CEBPZOS: variants seen among roughly 807,000 people sequenced by gnomAD.
CEBPZOS encodes protein CEBPZOS.
In CEBPZOS, 10 loss-of-function variants were observed where a neutral mutation model predicts 4.8. The observed-to-expected ratio is 2.07, with a 90% confidence interval of 1.28 to 3.52. The LOEUF is 3.52. CEBPZOS is among the 30% of genes most tolerant of loss of function. The pLI, the probability that CEBPZOS is intolerant of heterozygous loss-of-function variation, is 0.00. For missense variants in CEBPZOS, 98 were observed against 43.6 expected, an observed-to-expected ratio of 2.25 and a Z score of -3.51; for synonymous variants, 25 against 14.2, an observed-to-expected ratio of 1.77 and a Z score of -1.72.
intron 4 of CEBPZOS, chr2:37,211,934 T>G (rs772013583): frequency 4.3e-6 from 7 of 1,613,656 alleles, no homozygotes; most frequent in Non-Finnish European, 5.9e-6. Context: ...CCATACTTCC[T>G]AAAGAAACTT....
At chr2:37,208,963 G>A (rs550096690), downstream of CEBPZOS, 9 of 151,550 alleles carry the variant, frequency 5.9e-5, no homozygotes, top group African/African-American at 2.2e-4. Flanking sequence ...AAATCAATGT[G>A]CGCAAACCAG....
intron 3 of CEBPZOS, 136 bp downstream of exon 3, chr2:37,201,228 C>T (rs1012691716): frequency 6.5e-6 from 4 of 610,884 alleles, no homozygotes; most frequent in Non-Finnish European, 1.2e-5. Flanking sequence ...ACTAAATTCT[C>T]ATCTATTCTA....
Position 37,203,062 on chromosome 2 carries a change from A to G in CEBPZOS, c.*1202A>G. The G allele has an allele frequency of 8.5e-7, 1 of 1,172,612 alleles. No homozygotes were observed. Among genetic ancestry groups the G allele is most frequent in the Admixed American group, 2.5e-5 (1 of 39,460 alleles). The allele number at this position is 1,172,612 out of a possible 1,614,324, so 72.6% of individuals were successfully genotyped here. On this transcript the variant is annotated 3_prime_UTR_variant, in exon 5 of 5. Transcript: ENST00000402297. ...CAATTATAAATCTAATGATTTTAGA[A>G]AAATGCAATGCAACATGATTTTATT...
rs760014895 is a variant in CEBPZOS at position 37,202,844 on chromosome 2, T to A, written c.*984T>A. The A allele has an allele frequency of 6.2e-7, 1 of 1,602,278 alleles. No individual in the cohort carries two copies. Among genetic ancestry groups the A allele is most frequent in the Non-Finnish European group, 8.5e-7 (1 of 1,174,834 alleles). On this transcript the variant is annotated 3_prime_UTR_variant, in exon 5 of 5. Transcript: ENST00000402297. ...ATGTTATCAAACTTGGATCCCATAT[T>A]TTCATCCAATAGATGGCCAAACTTT...
At chr2:37,207,338 C>G (rs1436423672), downstream of CEBPZOS, among the ~76,000 whole-genome samples, 2 of 152,178 alleles carry the variant, frequency 1.3e-5, no homozygotes, top group East Asian at 3.8e-4. Flanking sequence ...TACCCAAAAA[C>G]TGCAGAATAT....
At chr2:37,208,425 A>AT (rs1376471615), downstream of CEBPZOS, among the ~76,000 whole-genome samples, 1 of 152,228 alleles carries the variant, frequency 6.6e-6, no homozygotes, top group African/African-American at 2.4e-5. Context: ...CTCCAACAGC[A>AT]TATCAAAAAG....
chr2:37,213,202 C>G (rs1349858710), intron 4 of CEBPZOS, among the ~76,000 whole-genome samples: 1 of 152,142 alleles, frequency 6.6e-6, no homozygotes, highest in African/African-American at 2.4e-5. Context: ...AAAGATCAAA[C>G]AGTAGACTAT....
intron 4 of CEBPZOS, chr2:37,210,050 A>G (rs1677669680): frequency 6.6e-6 from 1 of 152,226 alleles, no homozygotes. Flanking sequence ...ATTATCAGGG[A>G]AATGCAAATC....
chr2:37,214,547 CAA>C (rs1179624860), downstream of CEBPZOS, among the ~76,000 whole-genome samples: 2 of 151,640 alleles, frequency 1.3e-5, no homozygotes, highest in African/African-American at 4.8e-5. Context: ...GGCTAAATTC[CAA>C]AAAGAAGCAT....
At chr2:37,201,458 C>T (rs544637825) in intron 3 of CEBPZOS, 184 bp from the exon 4 acceptor site, 16 of 551,360 alleles carry the variant, frequency 2.9e-5, no homozygotes, top group Middle Eastern at 4.9e-4. Flanking sequence ...TGTAGTTAGA[C>T]GAAATAGTGC....
chr2:37,212,515 A>C (rs1304391815), intron 4 of CEBPZOS: 3 of 795,112 alleles, frequency 3.8e-6, no homozygotes. Context: ...CACCAAAACA[A>C]TGTAAATGTT....
intron 4 of CEBPZOS, chr2:37,211,133 G>A (rs1258000986): frequency 8.4e-7 from 1 of 1,188,832 alleles, no homozygotes; most frequent in Non-Finnish European, 1.2e-6. Context: ...AATAAGACTG[G>A]AAAATATTAC....
rs1677277862 is a variant in CEBPZOS, at chr2:37,202,132, G to C, written c.*272G>C. 3.4e-6 allele frequency: 1 copy of C among 294,440 alleles called. No individual in the cohort carries two copies. The highest frequency in any genetic ancestry group is 6.2e-6 in the Non-Finnish European group (1 of 161,248). The allele number at this position is 294,440 out of a possible 1,614,324, so 18.2% of individuals were successfully genotyped here. ...AAGGAAAAGAAACAAATGCTCTAAA[G>C]ATTTTCTCTCCCCAAGCACTTTTAC... On this transcript the variant is annotated 3_prime_UTR_variant, in exon 5 of 5. Transcript: ENST00000402297.
At chr2:37,207,192 C>T (rs1418739461), downstream of CEBPZOS, among the ~76,000 whole-genome samples, 1 of 152,090 alleles carries the variant, frequency 6.6e-6, no homozygotes, top group Non-Finnish European at 1.5e-5. Context: ...CAGATGGCAA[C>T]ACAATAATAG....
At position 37,200,463 on chromosome 2, in the gene CEBPZOS, CT is replaced by C. The variant is rs138565225; in HGVS notation, c.116-581del. The stretch of plus-strand genomic sequence containing the variant: ...ACTGGATACTCAAAAAATCCCTTTT[CT>C]TTTAAACTCTAAGGAAGGGTATTAA... On this transcript the variant is annotated intron_variant, in intron 2 of 4. Transcript: ENST00000402297. Among the ~76,000 whole-genome samples, 8 of 152,164 alleles carry C rather than the reference CT, an allele frequency of 5.3e-5. No homozygotes were observed. The East Asian group carries it at 1.5e-3, about 29-fold the overall frequency.
At chr2:37,197,033 C>T (rs565715503) in intron 1 of CEBPZOS, among the ~76,000 whole-genome samples, 4 of 152,360 alleles carry the variant, frequency 2.6e-5, no homozygotes, top group South Asian at 4.1e-4. Flanking sequence ...CAGCATTGCA[C>T]ATTTGGCTTG....
chr2:37,202,767 A>C lies in CEBPZOS; in HGVS notation c.*907A>C. On this transcript the variant is annotated 3_prime_UTR_variant, in exon 5 of 5. Coordinates refer to ENST00000402297, the MANE Select transcript of CEBPZOS (RefSeq NM_001322374.2). ...AGCTATTTTTAAAACATCAATAAAA[A>C]AATTTAAGTTACTTACTTGCATTAT... 6.7e-7 allele frequency: 1 copy of C among 1,485,670 alleles called. No individual in the cohort carries two copies. The highest frequency in any genetic ancestry group is 9.0e-7 in the Non-Finnish European group (1 of 1,107,006). The allele number at this position is 1,485,670 out of a possible 1,614,324, so 92.0% of individuals were successfully genotyped here.
downstream of CEBPZOS, chr2:37,215,983 C>G: frequency 2.3e-6 from 1 of 433,632 alleles, no homozygotes; most frequent in Non-Finnish European, 4.0e-6. Context: ...CAGTCAGATA[C>G]AGTAGATTTA....
At chr2:37,206,720 A>C (rs1024543725), downstream of CEBPZOS, among the ~76,000 whole-genome samples, 1 of 152,188 alleles carries the variant, frequency 6.6e-6, no homozygotes, top group African/African-American at 2.4e-5. Context: ...TTAAAACCTA[A>C]ATCTTACAGG....
Sources: allele counts gnomAD v4.1 joint callset (sites outside exome capture counted in the v4.1 genomes callset), GRCh38; gene constraint gnomAD v4.1.1; transcripts MANE v1.5; gene names NCBI Gene and HGNC (gene_info 2026-07-23, HGNC 2026-07-21).